Variants in AP4E1 observed in about 807,000 individuals in gnomAD.
AP4E1 encodes the protein AP-4 complex subunit epsilon-1.
Under a neutral mutation model 128.2 loss-of-function variants are expected in AP4E1, and 56 were observed. That is an observed-to-expected ratio of 0.44 (90% CI 0.35 to 0.55). The LOEUF (loss-of-function observed/expected upper bound fraction) is 0.55. Ranked by LOEUF, AP4E1 falls within the 20% of genes least tolerant of loss-of-function variation. The pLI is 0.00. For synonymous variants in AP4E1, 484 were observed against 473.1 expected (o/e 1.02, Z -0.30); for missense variants, 1,324 against 1,307.7 (o/e 1.01, Z -0.19).
Position 51,003,108 on chromosome 15 carries a change from G to T in AP4E1, c.*446G>T. The T allele has an allele frequency of 5.1e-6, 1 of 196,512 alleles. No individual in the cohort carries two copies. Among genetic ancestry groups the T allele is most frequent in the Non-Finnish European group, 1.1e-5 (1 of 95,198 alleles). 12.2% of individuals were successfully genotyped at this position (196,512 alleles called of 1,614,324 possible). On this transcript the variant is annotated 3_prime_UTR_variant, in exon 21 of 21. Transcript: ENST00000261842. ...ATTTGGCTTTGGAATGTAGTGTATGGTTTTTGGTAGGGAAGTCAATATTTT... is the reference window on the plus strand; with the variant it reads ...ATTTGGCTTTGGAATGTAGTGTATGTTTTTTGGTAGGGAAGTCAATATTTT...
At chr15:50,941,395 G>A (rs1477184007) in intron 8 of AP4E1, 47 bp from the exon 9 acceptor site, 14 of 1,594,720 alleles carry the variant, frequency 8.8e-6, no homozygotes, top group East Asian at 2.2e-5. Flanking sequence ...ACATTGTTTT[G>A]TTATACCTTA....
At chr15:50,968,783 A>G (rs1461647563) in intron 15 of AP4E1, among the ~76,000 whole-genome samples, 1 of 152,058 alleles carries the variant, frequency 6.6e-6, no homozygotes, top group African/African-American at 2.4e-5. Flanking sequence ...GGGTGCCACC[A>G]CACCCAGCTA....
intron 3 of AP4E1, among the ~76,000 whole-genome samples, chr15:50,923,235 A>G (rs2063727859): frequency 6.6e-6 from 1 of 152,218 alleles, no homozygotes; most frequent in South Asian, 2.1e-4. Context: ...TCCTTGGAGT[A>G]TCTAGATTAT....
intron 2 of AP4E1, among the ~76,000 whole-genome samples, chr15:50,912,953 G>A (rs2063582523): frequency 6.6e-6 from 1 of 152,124 alleles, no homozygotes; most frequent in South Asian, 2.1e-4. Context: ...ACAGGTGTGA[G>A]CCACCGTGCC....
intron 5 of AP4E1, among the ~76,000 whole-genome samples, chr15:50,927,837 G>A (rs1429330824): frequency 2.6e-5 from 4 of 152,050 alleles, no homozygotes; most frequent in Non-Finnish European, 4.4e-5. Context: ...GAGATTCTAC[G>A]ACAGAAATAT....
rs528986146 is a variant in AP4E1 at position 51,002,495 on chromosome 15, G to C, written c.3254-7G>C. On this transcript the variant is annotated splice_polypyrimidine_tract_variant and splice_region_variant and intron_variant, in intron 20 of 20. Coordinates refer to ENST00000261842, the MANE Select transcript of AP4E1 (RefSeq NM_007347.5). ...TTAAATCATTTTTCACTTTTGTTTT[G>C]TTTTAGGCAATGAAGGGCTATTGGC... The C allele has an allele frequency of 6.2e-7, 1 of 1,613,828 alleles. No homozygotes were observed. The highest frequency in any genetic ancestry group is 1.3e-5 in the African/African-American group (1 of 74,964).
intron 15 of AP4E1, among the ~76,000 whole-genome samples, chr15:50,976,790 C>T (rs530452525): frequency 1.6e-4 from 25 of 152,172 alleles, no homozygotes; most frequent in African/African-American, 5.5e-4. Context: ...CCAAAAGGAA[C>T]AAAATACCTA....
chr15:50,945,812 A>C, intron 10 of AP4E1: 1 of 770,404 alleles, frequency 1.3e-6, no homozygotes, highest in Non-Finnish European at 2.4e-6. Flanking sequence ...TTTCAGCATC[A>C]TCCTGATATA....
intron 13 of AP4E1, among the ~76,000 whole-genome samples, chr15:50,955,723 A>C (rs2064214059): frequency 6.6e-6 from 1 of 152,184 alleles, no homozygotes; most frequent in African/African-American, 2.4e-5. Context: ...CTCCCTGCCT[A>C]GTCTCCACTG....
intron 18 of AP4E1, among the ~76,000 whole-genome samples, chr15:50,998,306 A>G (rs913484891): frequency 6.6e-6 from 1 of 151,996 alleles, no homozygotes; most frequent in Admixed American, 6.6e-5. Context: ...CACTGACCAG[A>G]GCAAAAATTC....
intron 5 of AP4E1, among the ~76,000 whole-genome samples, chr15:50,925,926 G>T (rs1423332702): frequency 6.6e-6 from 1 of 150,730 alleles, no homozygotes; most frequent in African/African-American, 2.4e-5. Flanking sequence ...TGCCCGGCCC[G>T]GGAAGATGCT....
At chr15:50,934,383 G>A (rs938706483) in intron 7 of AP4E1, among the ~76,000 whole-genome samples, 3 of 152,008 alleles carry the variant, frequency 2.0e-5, no homozygotes, top group African/African-American at 7.2e-5. Context: ...GGCACAGTGA[G>A]GAAAGAGTTG....
chr15:51,000,487 A>G (rs932552178), intron 19 of AP4E1, among the ~76,000 whole-genome samples: 3 of 152,124 alleles, frequency 2.0e-5, no homozygotes, highest in South Asian at 2.1e-4. Context: ...CTGTCAGTCT[A>G]TTACAGTACT....
At position 50,953,841 on chromosome 15, in the gene AP4E1, G is replaced by GA. The variant is rs540450233; in HGVS notation, c.1548+3681dup. ...TTGCCTCTGTGAAATGGTGAAGAAG[G>GA]AAAAAAAAATCCTGTTTTGCTGTCA... On this transcript the variant is annotated intron_variant, in intron 13 of 20. Coordinates refer to ENST00000261842, the MANE Select transcript of AP4E1 (RefSeq NM_007347.5). Among the ~76,000 whole-genome samples, 7 of 151,080 alleles carry GA rather than the reference G, an allele frequency of 4.6e-5. No individual in the cohort carries two copies. The South Asian group carries it at 8.4e-4, about 18-fold the overall frequency.
intron 11 of AP4E1, among the ~76,000 whole-genome samples, chr15:50,948,654 T>C (rs1396818911): frequency 6.6e-6 from 1 of 152,190 alleles, no homozygotes; most frequent in East Asian, 1.9e-4. Flanking sequence ...TTACAGGTCA[T>C]AAGCATATTC....
At chr15:50,925,795 A>G (rs1348648363) in intron 5 of AP4E1, among the ~76,000 whole-genome samples, 4 of 118,330 alleles carry the variant, frequency 3.4e-5, no homozygotes, top group African/African-American at 6.0e-5. Context: ...ATGCCCGACT[A>G]ATTTTTTTTT....
At chr15:50,986,929 G>A (rs200720874) in intron 16 of AP4E1, among the ~76,000 whole-genome samples, 24 of 152,096 alleles carry the variant, frequency 1.6e-4, no homozygotes, top group Non-Finnish European at 2.6e-4. Context: ...CTGTGAATCC[G>A]TCTGGTCCTG....
At chr15:50,975,956 C>CAGAGAG (rs35121200) in intron 15 of AP4E1, among the ~76,000 whole-genome samples, 10 of 148,192 alleles carry the variant, frequency 6.7e-5, no homozygotes, top group African/African-American at 2.0e-4. Context: ...ACAAAAGGGA[C>CAGAGAG]AGAGAGAGAG....
At chr15:50,924,053 C>A (rs2063740154) in intron 4 of AP4E1, 49 bp downstream of exon 4, 1 of 1,439,442 alleles carries the variant, frequency 6.9e-7, no homozygotes, top group African/African-American at 1.4e-5. Flanking sequence ...CTTGTCAGCA[C>A]CTGATATTTC....
Sources: allele counts gnomAD v4.1 joint callset (sites outside exome capture counted in the v4.1 genomes callset), GRCh38; gene constraint gnomAD v4.1.1; transcripts MANE v1.5; gene names NCBI Gene and HGNC (gene_info 2026-07-23, HGNC 2026-07-21).